AKAP6: variants seen among roughly 807,000 people sequenced by gnomAD.
AKAP6 encodes the protein A-kinase anchoring protein 6.
Under a neutral mutation model 188.5 loss-of-function variants are expected in AKAP6, and 58 were observed. The observed-to-expected ratio is 0.31, with a 90% confidence interval of 0.25 to 0.38. The LOEUF (loss-of-function observed/expected upper bound fraction) is 0.38. Among genes scored for constraint, AKAP6 ranks in the 10% least tolerant of loss-of-function variants. AKAP6 has a pLI of 1.00. For synonymous variants in AKAP6, 989 were observed against 998.6 expected (o/e 0.99, Z 0.18); for missense variants, 2,710 against 2,740.0 (o/e 0.99, Z 0.24).
intron 1 of AKAP6, among the ~76,000 whole-genome samples, chr14:32,347,122 C>G (rs1336909243): frequency 1.3e-5 from 2 of 152,174 alleles, no homozygotes; most frequent in Non-Finnish European, 2.9e-5. Context: ...AAGCTTTGCT[C>G]TATTTAGGAT....
rs998892638 is a variant in AKAP6, at chr14:32,548,106, T to C, written c.2346+1107T>C. ...CTCTCCCACATGCTTTTTTTTTTTT[T>C]TTTTTTTTCCTCTGAGCAGAGTTTT... On this transcript the variant is annotated intron_variant, in intron 4 of 13. Transcript: ENST00000280979. 1.8e-3 allele frequency among the ~76,000 whole-genome samples: 261 copies of C among 148,186 alleles called. 1 individual carries two copies. The highest frequency in any genetic ancestry group is 5.4e-3 in the African/African-American group (217 of 39,862).
intron 9 of AKAP6, among the ~76,000 whole-genome samples, chr14:32,729,947 A>G (rs1310985358): frequency 6.6e-6 from 1 of 152,152 alleles, no homozygotes; most frequent in East Asian, 1.9e-4. Context: ...ACCACAGGAT[A>G]AAGTAGCCCC....
At chr14:32,343,155 C>A (rs752986051) in intron 1 of AKAP6, among the ~76,000 whole-genome samples, 4 of 152,162 alleles carry the variant, frequency 2.6e-5, no homozygotes, top group African/African-American at 4.8e-5. Context: ...GTCCCACCCC[C>A]ACTAGCTCTG....
In AKAP6 at chr14:32,536,773, A is replaced by G. The variant is rs118050923; in HGVS notation, c.576+968A>G. ...AGTGAACTGTCTCATTCTTAAATAC[A>G]ATGGACATATATTTATAGAAAAAAA... On this transcript the variant is annotated intron_variant, in intron 3 of 13. Coordinates refer to ENST00000280979, the MANE Select transcript of AKAP6 (RefSeq NM_004274.5). 5.8e-3 allele frequency among the ~76,000 whole-genome samples: 890 copies of G among 152,306 alleles called. 42 individuals are homozygous for G. The East Asian group carries it at 0.099, about 17-fold the overall frequency.
chr14:32,735,945 C>G, intron 11 of AKAP6, 63 bp downstream of exon 11: 1 of 1,272,148 alleles, frequency 7.9e-7, no homozygotes, highest in Non-Finnish European at 1.1e-6. Context: ...AAATATTTAT[C>G]AAGTACATGA....
At chr14:32,398,140 CAAAT>C (rs1888939844) in intron 1 of AKAP6, among the ~76,000 whole-genome samples, 1 of 152,168 alleles carries the variant, frequency 6.6e-6, no homozygotes, top group Non-Finnish European at 1.5e-5. Flanking sequence ...TGCATTCAGA[CAAAT>C]AACTGTTTCT....
chr14:32,752,683 A>T (rs1437716463), intron 11 of AKAP6, among the ~76,000 whole-genome samples: 1 of 151,898 alleles, frequency 6.6e-6, no homozygotes, highest in Non-Finnish European at 1.5e-5. Flanking sequence ...CACCCCTGTC[A>T]CCCCCATCCC....
intron 9 of AKAP6, among the ~76,000 whole-genome samples, chr14:32,696,420 G>A (rs911079623): frequency 7.2e-5 from 11 of 152,138 alleles, no homozygotes; most frequent in Non-Finnish European, 7.3e-5. Flanking sequence ...CAAAATGAAG[G>A]ATAAATGGAC....
intron 1 of AKAP6, among the ~76,000 whole-genome samples, chr14:32,406,093 G>C (rs1328525639): frequency 6.6e-6 from 1 of 152,228 alleles, no homozygotes; most frequent in Admixed American, 6.5e-5. Context: ...AATGGTTCTA[G>C]ACCCTTAGAA....
chr14:32,611,934 A>C (rs911040405), intron 7 of AKAP6, among the ~76,000 whole-genome samples: 3 of 152,280 alleles, frequency 2.0e-5, no homozygotes, highest in Non-Finnish European at 4.4e-5. Context: ...ACATCTTCTG[A>C]GTTAGGACAG....
intron 11 of AKAP6, among the ~76,000 whole-genome samples, chr14:32,764,515 G>C (rs1017222491): frequency 1.3e-5 from 2 of 152,160 alleles, no homozygotes; most frequent in African/African-American, 2.4e-5. Context: ...AATCATACAG[G>C]CTTCTTCAGC....
At chr14:32,587,487 G>A (rs971892150) in intron 5 of AKAP6, among the ~76,000 whole-genome samples, 3 of 152,136 alleles carry the variant, frequency 2.0e-5, no homozygotes, top group African/African-American at 7.2e-5. Flanking sequence ...TGCTTACTTA[G>A]ACTAGGAAGG....
intron 2 of AKAP6, among the ~76,000 whole-genome samples, chr14:32,517,699 G>C (rs2139045980): frequency 6.6e-6 from 1 of 152,342 alleles, no homozygotes; most frequent in East Asian, 1.9e-4. Flanking sequence ...CAGCCTGGAA[G>C]CTCGAACTGG....
intron 1 of AKAP6, among the ~76,000 whole-genome samples, chr14:32,363,141 C>A (rs1371970222): frequency 6.6e-6 from 1 of 152,256 alleles, no homozygotes; most frequent in East Asian, 1.9e-4. Flanking sequence ...ACAAATAAAA[C>A]CCCTACCAAT....
chr14:32,362,684 C>G (rs1259604541), intron 1 of AKAP6, among the ~76,000 whole-genome samples: 1 of 152,086 alleles, frequency 6.6e-6, no homozygotes, highest in Admixed American at 6.6e-5. Context: ...TAGGGACAGG[C>G]AAGTTACAGA....
intron 1 of AKAP6, among the ~76,000 whole-genome samples, chr14:32,407,311 A>G (rs1022749362): frequency 2.0e-5 from 3 of 152,090 alleles, no homozygotes; most frequent in Non-Finnish European, 4.4e-5. Context: ...AACCCAAAGG[A>G]CCTCCTGCCA....
chr14:32,696,746 A>T (rs1412142278), intron 9 of AKAP6, among the ~76,000 whole-genome samples: 1 of 151,938 alleles, frequency 6.6e-6, no homozygotes, highest in South Asian at 2.1e-4. Flanking sequence ...TACCAATTCT[A>T]CTTAAATAGT....
chr14:32,522,512 A>G (rs1036138501), intron 2 of AKAP6, among the ~76,000 whole-genome samples: 3 of 152,146 alleles, frequency 2.0e-5, no homozygotes, highest in Non-Finnish European at 4.4e-5. Context: ...AACAACCCCA[A>G]CAAAAAGTGG....
At chr14:32,600,850 C>T in intron 7 of AKAP6, 58 bp downstream of exon 7, 1 of 1,500,916 alleles carries the variant, frequency 6.7e-7, no homozygotes, top group Non-Finnish European at 8.9e-7. Flanking sequence ...TTGAACTAGG[C>T]ACCACTGAAG....
Sources: gnomAD v4.1 joint callset for allele counts (sites outside exome capture counted in the v4.1 genomes callset) on GRCh38, gnomAD v4.1.1 for gene constraint, MANE v1.5 for transcripts, NCBI Gene and HGNC (gene_info 2026-07-23, HGNC 2026-07-21) for gene names.